RPS6KA6: variants seen among roughly 807,000 people sequenced by gnomAD.
RPS6KA6 encodes ribosomal protein S6 kinase A6.
A neutral mutation model predicts 65.4 loss-of-function variants in RPS6KA6; 27 were observed. That is an observed-to-expected ratio of 0.41 (90% confidence interval 0.30 to 0.57). The LOEUF (loss-of-function observed/expected upper bound fraction) is 0.57. RPS6KA6 is among the 20% of genes least tolerant of loss of function. The pLI, the probability that RPS6KA6 is intolerant of heterozygous loss-of-function variation, is 0.24. For missense variants in RPS6KA6, 486 were observed against 555.6 expected (o/e 0.87, Z 1.26); for synonymous variants, 190 against 184.2 (o/e 1.03, Z -0.26).
Position 84,072,731 on chromosome X carries a change from T to C in RPS6KA6, c.1972-7620A>G, listed in dbSNP as rs149416624. Among the ~76,000 whole-genome samples, 406 of 111,654 alleles carry C rather than the reference T, an allele frequency of 3.6e-3. 9 individuals carry two copies. The highest frequency in any genetic ancestry group is 0.029 in the Admixed American group (303 of 10,481). Reference sequence around the variant, plus strand: ...TACAAAAGCAACATACACAAATCACTAGCATTTCTATATGACAAGAGTGAA... The same window carrying C: ...TACAAAAGCAACATACACAAATCACCAGCATTTCTATATGACAAGAGTGAA... On this transcript the variant is annotated intron_variant, in intron 20 of 21. Transcript: ENST00000262752.
At chrX:84,150,090 T>G (rs1177257855) in intron 3 of RPS6KA6, among the ~76,000 whole-genome samples, 1 of 111,310 alleles carries the variant, frequency 9.0e-6, no homozygotes, top group East Asian at 2.8e-4. Context: ...TTCCTTTTTC[T>G]CTTCATGAGC....
chrX:84,093,792 T>A (rs934836624), intron 20 of RPS6KA6, among the ~76,000 whole-genome samples: 1 of 111,893 alleles, frequency 8.9e-6, no homozygotes, highest in African/African-American at 3.2e-5. Flanking sequence ...ATTCTGTACA[T>A]CTTGCTAGTG....
intron 9 of RPS6KA6, among the ~76,000 whole-genome samples, chrX:84,118,811 C>A (rs980347518): frequency 2.7e-5 from 3 of 111,536 alleles, no homozygotes; most frequent in Non-Finnish European, 5.7e-5. Flanking sequence ...CATTACAATC[C>A]ACTTACAAGG....
intron 12 of RPS6KA6, among the ~76,000 whole-genome samples, chrX:84,115,057 T>C (rs1419793816): frequency 5.4e-5 from 6 of 112,026 alleles, no homozygotes; most frequent in Non-Finnish European, 9.4e-5. Context: ...ATACAAAGAA[T>C]TTATGACTAA....
intron 19 of RPS6KA6, 53 bp downstream of exon 19, chrX:84,097,719 T>C (rs1464508254): frequency 1.3e-6 from 1 of 748,699 alleles, no homozygotes; most frequent in African/African-American, 2.1e-5. Flanking sequence ...GATGAAGATA[T>C]ACAGATGAAA....
intron 6 of RPS6KA6, among the ~76,000 whole-genome samples, chrX:84,139,961 A>G (rs1349678034): frequency 1.8e-5 from 2 of 111,889 alleles, no homozygotes; most frequent in Non-Finnish European, 3.8e-5. Context: ...TAGATAAGCC[A>G]GAACAGAGAG....
rs764056173 is a variant in RPS6KA6, at chrX:84,171,337, G to A, written c.82-6950C>T. Reference sequence around the variant, plus strand: ...TCTTGGTTAAAGCTGCTAAATTTATGGTAATTTTTTGCAGCACTAGGTAAT... The same window carrying A: ...TCTTGGTTAAAGCTGCTAAATTTATAGTAATTTTTTGCAGCACTAGGTAAT... On this transcript the variant is annotated intron_variant, in intron 1 of 21. Coordinates refer to ENST00000262752, the MANE Select transcript of RPS6KA6 (RefSeq NM_014496.5). Among the ~76,000 whole-genome samples, 4 of 111,206 alleles carry A rather than the reference G, an allele frequency of 3.6e-5. No homozygotes were observed. In the South Asian group the frequency reaches 1.5e-3, roughly 42 times the overall value.
chrX:84,170,384 CTT>C (rs2035664009), intron 1 of RPS6KA6, among the ~76,000 whole-genome samples: 1 of 110,214 alleles, frequency 9.1e-6, no homozygotes, highest in Admixed American at 9.7e-5. Context: ...AATCCCAACA[CTT>C]TGGGAGGCTG....
intron 20 of RPS6KA6, among the ~76,000 whole-genome samples, chrX:84,094,699 C>A (rs972961060): frequency 2.7e-5 from 3 of 110,605 alleles, no homozygotes; most frequent in African/African-American, 6.6e-5. Flanking sequence ...AAAGACCTTG[C>A]AAGTGGAGAA....
At chrX:84,129,194 A>T (rs2034849690) in intron 8 of RPS6KA6, among the ~76,000 whole-genome samples, 2 of 111,823 alleles carry the variant, frequency 1.8e-5, no homozygotes, top group Non-Finnish European at 1.9e-5. Context: ...AGATCTGAAT[A>T]AAAAATCCTC....
At chrX:84,105,675 T>C (rs1602411015) in intron 16 of RPS6KA6, 112 bp downstream of exon 16, 3 of 391,393 alleles carry the variant, frequency 7.7e-6, no homozygotes, top group East Asian at 8.7e-5. Flanking sequence ...CCTGAGATTT[T>C]TGAGGCATGA....
intron 8 of RPS6KA6, among the ~76,000 whole-genome samples, chrX:84,127,115 A>T (rs1265422516): frequency 2.7e-5 from 3 of 111,332 alleles, no homozygotes; most frequent in African/African-American, 9.8e-5. Context: ...CAGGGAGAAG[A>T]CCCCAATAAT....
Position 84,058,979 on chromosome X carries a change from A to C in RPS6KA6, c.*5298T>G, listed in dbSNP as rs988458127. 3.1e-5 allele frequency: 3 copies of C among 97,055 alleles called. No individual in the cohort carries two copies. In the Admixed American group the frequency reaches 3.4e-4, roughly 11 times the overall value. The allele number at this position is 97,055 out of a possible 1,213,427, so 8.0% of individuals were successfully genotyped here. On this transcript the variant is annotated 3_prime_UTR_variant, in exon 22 of 22. Coordinates refer to ENST00000262752, the MANE Select transcript of RPS6KA6 (RefSeq NM_014496.5). ...GTACTTCCTGTTTTTTTTTTTTTTT[A>C]TCAAACAGAAAAACCACCTTCTCCT...
At position 84,137,693 on chromosome X, in the gene RPS6KA6, T is replaced by A. The variant is rs1228055026; in HGVS notation, c.502-2483A>T. On this transcript the variant is annotated intron_variant, in intron 6 of 21. Coordinates refer to ENST00000262752, the MANE Select transcript of RPS6KA6 (RefSeq NM_014496.5). ...TGGCATTATTTTTTAAATTTAAGTT[T>A]TGATTTTTAGGCTGAACATTGTTAT... Among the ~76,000 whole-genome samples the A allele has an allele frequency of 7.1e-5, 8 of 112,244 alleles. No homozygotes were observed. The Admixed American group carries it at 7.6e-4, about 11-fold the overall frequency.
At chrX:84,148,732 A>T (rs145609155) in intron 3 of RPS6KA6, among the ~76,000 whole-genome samples, 3,316 of 111,395 alleles carry the variant, frequency 0.03, 44 homozygotes, top group Middle Eastern at 0.11. Flanking sequence ...ATTGCTAAAA[A>T]ATGCTAATGA....
At chrX:84,128,568 C>A (rs1894621119) in intron 8 of RPS6KA6, among the ~76,000 whole-genome samples, 1 of 111,454 alleles carries the variant, frequency 9.0e-6, no homozygotes, top group African/African-American at 3.3e-5. Context: ...ACAAAAAGAA[C>A]AAAACTGGAG....
chrX:84,116,698 G>C (rs758647536), intron 11 of RPS6KA6, among the ~76,000 whole-genome samples: 17 of 109,150 alleles, frequency 1.6e-4, no homozygotes, highest in Non-Finnish European at 2.9e-4. Flanking sequence ...TACCAGAAAG[G>C]GGTCAAAAAA....
At position 84,060,323 on chromosome X, in the gene RPS6KA6, ATTTTTTT is replaced by A. The variant is rs953832486; in HGVS notation, c.*3947_*3953del. On this transcript the variant is annotated 3_prime_UTR_variant, in exon 22 of 22. Coordinates refer to ENST00000262752, the MANE Select transcript of RPS6KA6 (RefSeq NM_014496.5). ...CCAATATATACTTAATATGGCTTGC[ATTTTTTT>A]TTTTTTTTTTTTGAAATAACATTGT... 1.0e-4 allele frequency: 9 copies of A among 89,839 alleles called. No homozygotes were observed. Among genetic ancestry groups the A allele is most frequent in the African/African-American group, 1.6e-4 (4 of 24,339 alleles). 7.4% of individuals were successfully genotyped at this position (89,839 alleles called of 1,213,427 possible).
intron 6 of RPS6KA6, among the ~76,000 whole-genome samples, chrX:84,138,500 C>A (rs935568919): frequency 1.8e-5 from 2 of 111,568 alleles, no homozygotes; most frequent in Non-Finnish European, 3.8e-5. Flanking sequence ...CTGCAATGAG[C>A]CAGGATAGTG....
Sources: gnomAD v4.1 joint callset for allele counts (sites outside exome capture counted in the v4.1 genomes callset) on GRCh38, gnomAD v4.1.1 for gene constraint, MANE v1.5 for transcripts, NCBI Gene and HGNC (gene_info 2026-07-23, HGNC 2026-07-21) for gene names.